Variants in SYCP1 observed in about 807,000 individuals in gnomAD.
SYCP1 encodes the protein synaptonemal complex protein 1, also known as cancer/testis antigen 8.
A neutral mutation model predicts 153.1 loss-of-function variants in SYCP1; 64 were observed. The ratio of observed to expected loss-of-function variants is 0.42; its 90% CI spans 0.34 to 0.51. The LOEUF (loss-of-function observed/expected upper bound fraction) is 0.51. Ranked by LOEUF, SYCP1 falls within the 20% of genes least tolerant of loss-of-function variation. The probability of loss-of-function intolerance (pLI) is 0.06; values close to 1 mark genes in which losing one functional copy is unlikely to be tolerated. For missense variants in SYCP1, 997 were observed against 1,049.0 expected, an observed-to-expected ratio of 0.95 and a Z score of 0.68; for synonymous variants, 384 against 341.8, an observed-to-expected ratio of 1.12 and a Z score of -1.36.
At chr1:114,872,707 T>G (rs954545214) in intron 8 of SYCP1, among the ~76,000 whole-genome samples, 1 of 152,216 alleles carries the variant, frequency 6.6e-6, no homozygotes. Flanking sequence ...GTTCTGTTCT[T>G]TCTAGTCTTT....
intron 27 of SYCP1, among the ~76,000 whole-genome samples, chr1:114,967,122 A>G (rs973051226): frequency 2.0e-5 from 3 of 152,206 alleles, no homozygotes; most frequent in Non-Finnish European, 2.9e-5. Context: ...AATAAGTGCT[A>G]TGCGGTGCTG....
intron 27 of SYCP1, among the ~76,000 whole-genome samples, chr1:114,962,742 T>C (rs1671860037): frequency 6.6e-6 from 1 of 152,134 alleles, no homozygotes; most frequent in South Asian, 2.1e-4. Flanking sequence ...TTTTTTTTCA[T>C]TGTGTTATTG....
chr1:114,908,541 T>C (rs1266379226), intron 16 of SYCP1, among the ~76,000 whole-genome samples: 1 of 152,210 alleles, frequency 6.6e-6, no homozygotes, highest in Non-Finnish European at 1.5e-5. Flanking sequence ...CTATTCATTT[T>C]ATTTCAATGT....
intron 25 of SYCP1, 71 bp downstream of exon 25, chr1:114,945,053 C>A: frequency 1.8e-6 from 2 of 1,086,254 alleles, no homozygotes; most frequent in Non-Finnish European, 2.6e-6. Flanking sequence ...ATGGTGAAAT[C>A]AAGATAGTAT....
At chr1:114,856,033 G>T (rs925259798) in intron 2 of SYCP1, among the ~76,000 whole-genome samples, 1 of 152,146 alleles carries the variant, frequency 6.6e-6, no homozygotes, top group African/African-American at 2.4e-5. Context: ...TTATGTAATG[G>T]TGTTATCATT....
intron 23 of SYCP1, among the ~76,000 whole-genome samples, chr1:114,937,749 C>G (rs996525275): frequency 1.3e-5 from 2 of 152,196 alleles, no homozygotes; most frequent in Non-Finnish European, 2.9e-5. Context: ...TATGAACAGA[C>G]ACTTCTCAAA....
chr1:114,862,335 G>A (rs1475573913), intron 8 of SYCP1, among the ~76,000 whole-genome samples: 2 of 145,800 alleles, frequency 1.4e-5, no homozygotes, highest in African/African-American at 2.5e-5. Context: ...AAGTCTGATA[G>A]TTCTTTTTTG....
At chr1:114,894,116 T>C (rs1169325842) in intron 15 of SYCP1, among the ~76,000 whole-genome samples, 1 of 152,078 alleles carries the variant, frequency 6.6e-6, no homozygotes. Context: ...AGAGACATGC[T>C]CAGTCCACTG....
At chr1:114,957,821 G>A (rs2101870788) in intron 27 of SYCP1, among the ~76,000 whole-genome samples, 1 of 152,230 alleles carries the variant, frequency 6.6e-6, no homozygotes, top group South Asian at 2.1e-4. Context: ...GGGAACCCTT[G>A]TTTACTGTTG....
intron 27 of SYCP1, among the ~76,000 whole-genome samples, chr1:114,965,366 T>C (rs1159186889): frequency 6.6e-6 from 1 of 152,178 alleles, no homozygotes; most frequent in Non-Finnish European, 1.5e-5. Context: ...TCTTACCTGA[T>C]TTCCCTGGCC....
chr1:114,926,643 C>A (rs559455435), intron 23 of SYCP1, 80 bp downstream of exon 23: 5 of 1,222,874 alleles, frequency 4.1e-6, no homozygotes, highest in East Asian at 5.3e-5. Context: ...CTTGTTTATA[C>A]AGTATAAATT....
At chr1:114,990,160 G>A (rs1174003392) in intron 30 of SYCP1, among the ~76,000 whole-genome samples, 3 of 151,808 alleles carry the variant, frequency 2.0e-5, no homozygotes, top group Admixed American at 2.0e-4. Context: ...GACCACAATG[G>A]GATGCAGTTA....
chr1:114,979,461 C>A (rs1208045851), intron 28 of SYCP1, among the ~76,000 whole-genome samples: 1 of 151,604 alleles, frequency 6.6e-6, no homozygotes, highest in African/African-American at 2.4e-5. Context: ...AGGCTACCAG[C>A]GAAATGTCAA....
chr1:114,878,106 T>C lies in SYCP1; in HGVS notation c.814T>C (p.Leu272=), dbSNP rs770261831. 6.4e-7 allele frequency: 1 copy of C among 1,562,700 alleles called. No homozygotes were observed. The highest frequency in any genetic ancestry group is 1.1e-5 in the South Asian group (1 of 87,932). ...NDKEKQVSLL[L]IQITEKENKM... ...TTAAATATTTTAGGTATCACTACTA[T>C]TGATCCAAATCACTGAGAAAGAAAA... The change falls in exon 12 of 32, where the codon TTG becomes CTG. Residue 272 remains leucine (L), a synonymous_variant. Coordinates refer to ENST00000369522, the MANE Select transcript of SYCP1 (RefSeq NM_003176.4).
chr1:114,931,340 A>C (rs1048992230), intron 23 of SYCP1, among the ~76,000 whole-genome samples: 9 of 152,118 alleles, frequency 5.9e-5, no homozygotes, highest in Admixed American at 3.3e-4. Context: ...GAAATTTCCA[A>C]GGTTTCTACA....
chr1:114,869,444 G>A (rs1363585574), intron 8 of SYCP1, among the ~76,000 whole-genome samples: 5 of 152,048 alleles, frequency 3.3e-5, no homozygotes, highest in South Asian at 2.1e-4. Flanking sequence ...GTGTCTTATG[G>A]CCCAGAATAT....
At chr1:114,876,643 A>G (rs1665557634) in intron 10 of SYCP1, 94 bp from the exon 11 acceptor site, 1 of 580,498 alleles carries the variant, frequency 1.7e-6, no homozygotes, top group South Asian at 4.3e-5. Context: ...TTAGAGATAA[A>G]TAAAGAGGTG....
At position 114,920,510 on chromosome 1, in the gene SYCP1, C is replaced by T. The variant is rs183955679; in HGVS notation, c.1719-2939C>T. Among the ~76,000 whole-genome samples, 1,132 of 152,106 alleles carry T rather than the reference C, an allele frequency of 7.4e-3. 5 individuals carry two copies. Among genetic ancestry groups the T allele is most frequent in the Non-Finnish European group, 0.013 (911 of 67,950 alleles). ...TATTAGGTTCATTTGGTCTAAAGTG[C>T]AGATTGATTGATGTTTCTTTGGATG... is the stretch of plus-strand genomic sequence containing the variant. On this transcript the variant is annotated intron_variant, in intron 20 of 31. Transcript: ENST00000369522.
At chr1:114,854,359 C>G (rs72694061), upstream of SYCP1, among the ~76,000 whole-genome samples, 304 of 152,128 alleles carry the variant, frequency 2.0e-3, 1 homozygote, top group Non-Finnish European at 3.8e-3. Context: ...GTCTTGAACT[C>G]CTTCCTGGGC....
Sources: gnomAD v4.1 joint callset for allele counts (sites outside exome capture counted in the v4.1 genomes callset) on GRCh38, gnomAD v4.1.1 for gene constraint, MANE v1.5 for transcripts, NCBI Gene and HGNC (gene_info 2026-07-23, HGNC 2026-07-21) for gene names.